The following GREB1L variants were observed in gnomAD, a reference collection of about 807,000 sequenced individuals.
The protein encoded by GREB1L is GREB1-like protein.
GREB1L carries 17 observed loss-of-function variants against 200.8 expected under a neutral mutation model. That is an observed-to-expected ratio of 0.08 (90% CI 0.06 to 0.13). The LOEUF (loss-of-function observed/expected upper bound fraction) is 0.13, where lower values mean the gene tolerates loss of function less well. Ranked by LOEUF, GREB1L falls within the 10% of genes least tolerant of loss-of-function variation. The pLI is 1.00. For missense variants in GREB1L, 1,657 were observed against 2,367.7 expected (o/e 0.70, Z 6.23); for synonymous variants, 789 against 893.0 (o/e 0.88, Z 2.08).
At chr18:21,335,528 C>T (rs1460731394) in intron 1 of GREB1L, among the ~76,000 whole-genome samples, 1 of 152,148 alleles carries the variant, frequency 6.6e-6, no homozygotes, top group Non-Finnish European at 1.5e-5. Flanking sequence ...TGTAAAAGCT[C>T]TATCACACTG....
chr18:21,296,173 C>T (rs1049667062), intron 1 of GREB1L, among the ~76,000 whole-genome samples: 8 of 152,118 alleles, frequency 5.3e-5, no homozygotes, highest in African/African-American at 1.7e-4. Flanking sequence ...ATGGAATCAG[C>T]CTAGGTGTCT....
intron 7 of GREB1L, among the ~76,000 whole-genome samples, chr18:21,431,845 T>C (rs1301406427): frequency 2.0e-5 from 3 of 152,000 alleles, no homozygotes; most frequent in African/African-American, 7.2e-5. Flanking sequence ...GGATTGACCC[T>C]TTTATCATTA....
At chr18:21,346,474 C>G (rs146443767) in intron 1 of GREB1L, among the ~76,000 whole-genome samples, 2 of 151,846 alleles carry the variant, frequency 1.3e-5, no homozygotes, top group Non-Finnish European at 2.9e-5. Flanking sequence ...GGCTATATTT[C>G]CATCTTTCTT....
intron 1 of GREB1L, among the ~76,000 whole-genome samples, chr18:21,337,931 G>A (rs1265926318): frequency 6.6e-6 from 1 of 151,912 alleles, no homozygotes; most frequent in Non-Finnish European, 1.5e-5. Context: ...AGCTTGCAGT[G>A]AGCCGAGATC....
At chr18:21,337,332 G>A (rs911202429) in intron 1 of GREB1L, among the ~76,000 whole-genome samples, 52 of 152,030 alleles carry the variant, frequency 3.4e-4, no homozygotes, top group South Asian at 2.1e-4. Context: ...TTATAATAAA[G>A]AGCCTAGTTG....
At chr18:21,309,605 C>G (rs1200561352) in intron 1 of GREB1L, among the ~76,000 whole-genome samples, 1 of 152,110 alleles carries the variant, frequency 6.6e-6, no homozygotes, top group African/African-American at 2.4e-5. Context: ...TGACTAGGAC[C>G]TGTTATAAAA....
chr18:21,307,421 C>G (rs182095620), intron 1 of GREB1L, among the ~76,000 whole-genome samples: 22 of 152,272 alleles, frequency 1.4e-4, no homozygotes, highest in Admixed American at 1.0e-3. Context: ...GATTTTTGTC[C>G]TGGATGATAT....
At chr18:21,380,014 T>G (rs1348752133) in intron 2 of GREB1L, among the ~76,000 whole-genome samples, 1 of 152,212 alleles carries the variant, frequency 6.6e-6, no homozygotes, top group Non-Finnish European at 1.5e-5. Flanking sequence ...AGTATAAACT[T>G]TTTGTAAAAA....
In GREB1L at chr18:21,477,199, G is replaced by C. The variant is rs1479897535; in HGVS notation, c.2399G>C (p.Ser800Thr). 1.9e-6 allele frequency: 3 copies of C among 1,552,086 alleles called. No individual in the cohort carries two copies. The highest frequency in any genetic ancestry group is 4.9e-5 in the East Asian group (2 of 40,926). ...ISGSLSHSEP[S>T]HGLADRVINC... ...GGCTCTTTGTCACATAGCGAACCCA[G>C]TCATGGGCTAGCTGATAGAGTCATT... The change falls in exon 17 of 33, where the codon AGT becomes ACT. Residue 800 changes from serine (S) to threonine (T), a missense_variant. Physicochemically the swap from Ser to Thr is moderately conservative, Grantham distance 58 (BLOSUM62 1). Coordinates refer to ENST00000424526, the MANE Select transcript of GREB1L (RefSeq NM_001142966.3).
At position 21,383,688 on chromosome 18, in the gene GREB1L, A is replaced by C; in HGVS notation, c.157+13A>C. On this transcript the variant is annotated intron_variant, in intron 3 of 32. Coordinates refer to ENST00000424526, the MANE Select transcript of GREB1L (RefSeq NM_001142966.3). ...TTCTCATCTGCAGGTAAGTTTCTCA[A>C]TCACACACATTTCTGGATTCTTTTT... 1 of 1,545,020 alleles carries C rather than the reference A, an allele frequency of 6.5e-7. No homozygotes were observed. Among genetic ancestry groups the C allele is most frequent in the Non-Finnish European group, 8.7e-7 (1 of 1,144,674 alleles).
chr18:21,494,189 C>G (rs1399758885), intron 19 of GREB1L, among the ~76,000 whole-genome samples: 1 of 152,086 alleles, frequency 6.6e-6, no homozygotes, highest in Non-Finnish European at 1.5e-5. Flanking sequence ...CTTTTTGACA[C>G]ATTGATTTTT....
At chr18:21,434,399 C>CGG (rs1472485196) in intron 7 of GREB1L, among the ~76,000 whole-genome samples, 2 of 151,124 alleles carry the variant, frequency 1.3e-5, no homozygotes, top group East Asian at 3.9e-4. Context: ...TCTCTTGAAC[C>CGG]CAGGAGGAAG....
intron 17 of GREB1L, among the ~76,000 whole-genome samples, chr18:21,478,186 A>G (rs1370999174): frequency 1.3e-5 from 2 of 152,098 alleles, no homozygotes. Context: ...ATGAAATGGG[A>G]TGATGGCACT....
chr18:21,503,050 G>A (rs1481349816), intron 23 of GREB1L, among the ~76,000 whole-genome samples: 5 of 152,244 alleles, frequency 3.3e-5, no homozygotes, highest in East Asian at 1.9e-4. Flanking sequence ...GCTTGAAAGT[G>A]CAGACTTTAG....
chr18:21,494,687 G>C (rs1811598367), intron 19 of GREB1L, among the ~76,000 whole-genome samples: 1 of 151,938 alleles, frequency 6.6e-6, no homozygotes, highest in African/African-American at 2.4e-5. Context: ...AACGTTATCA[G>C]AAATGTCAGT....
At position 21,395,534 on chromosome 18, in the gene GREB1L, G is replaced by C; in HGVS notation, c.505G>C (p.Asp169His). Residue 169 changes from aspartate (D) to histidine (H), a missense_variant, in exon 5 of 33, where the codon GAT becomes CAT. Physicochemically the swap from Asp to His is moderately conservative, Grantham distance 81. This residue lies in a region of GREB1L where 70 missense variants were observed against 151.3 expected (regional missense o/e 0.46). Transcript: ENST00000424526. ...VCAVDKRFLP[D>H]DHGKNALLGF... is the part of the protein sequence containing the mutation. ...TGCTGTGGACAAGCGATTTCTACCA[G>C]ATGATCATGGAAAAAATGCACTTTT... 2 of 1,549,624 alleles carry C rather than the reference G, an allele frequency of 1.3e-6. No homozygotes were observed.
chr18:21,265,545 A>C (rs1379070690), intron 1 of GREB1L, among the ~76,000 whole-genome samples: 1 of 152,112 alleles, frequency 6.6e-6, no homozygotes, highest in Non-Finnish European at 1.5e-5. Flanking sequence ...GCACTCACCT[A>C]TATTGAAATG....
At chr18:21,396,560 T>C (rs1487550052) in intron 5 of GREB1L, among the ~76,000 whole-genome samples, 3 of 152,204 alleles carry the variant, frequency 2.0e-5, no homozygotes, top group Non-Finnish European at 4.4e-5. Context: ...TTGTAAGTTA[T>C]TTGTTGTTTT....
chr18:21,516,333 C>T (rs1029908716), intron 29 of GREB1L, among the ~76,000 whole-genome samples: 2 of 152,118 alleles, frequency 1.3e-5, no homozygotes, highest in Non-Finnish European at 2.9e-5. Context: ...CCTGTTTTGC[C>T]GGAGTGTATC....
Sources: allele counts gnomAD v4.1 joint callset (sites outside exome capture counted in the v4.1 genomes callset), GRCh38; gene constraint gnomAD v4.1.1; regional missense constraint gnomAD v4.1.1; transcripts MANE v1.5; gene names NCBI Gene and HGNC (gene_info 2026-07-23, HGNC 2026-07-21).